MYRIP: variants seen among roughly 807,000 people sequenced by gnomAD.
MYRIP encodes rab effector MyRIP.
Under a neutral mutation model 98.0 loss-of-function variants are expected in MYRIP, and 49 were observed. The observed-to-expected ratio is 0.50, with a 90% CI of 0.40 to 0.63. MYRIP has a LOEUF of 0.63. Ranked by LOEUF, MYRIP falls within the 30% of genes least tolerant of loss-of-function variation. MYRIP has a pLI of 0.00. For missense variants in MYRIP, 1,004 were observed against 1,058.2 expected (o/e 0.95, Z 0.71); for synonymous variants, 404 against 409.5 (o/e 0.99, Z 0.16).
chr3:40,097,435 T>C (rs1437512746), intron 3 of MYRIP, among the ~76,000 whole-genome samples: 3 of 152,214 alleles, frequency 2.0e-5, no homozygotes, highest in East Asian at 1.9e-4. Context: ...AGGTACTCAG[T>C]TGAATCTTGG....
chr3:39,888,919 C>G (rs541497111), intron 1 of MYRIP, among the ~76,000 whole-genome samples: 57 of 152,180 alleles, frequency 3.7e-4, no homozygotes, highest in African/African-American at 1.4e-3. Context: ...CCAAAAAACA[C>G]ATGAAAAAAT....
At chr3:40,174,020 G>C (rs933719922) in intron 8 of MYRIP, 1 of 152,102 alleles carries the variant, frequency 6.6e-6, no homozygotes, top group African/African-American at 2.4e-5. Flanking sequence ...CATATGTTTT[G>C]AATTTCCATA....
intron 2 of MYRIP, among the ~76,000 whole-genome samples, chr3:39,966,947 A>AGAAT (rs1270878141): frequency 6.6e-6 from 1 of 152,206 alleles, no homozygotes; most frequent in Non-Finnish European, 1.5e-5. Flanking sequence ...CACAGGAGAT[A>AGAAT]GAATGCCCTT....
In MYRIP at chr3:40,044,260, C is replaced by A. The variant is rs1947619453; in HGVS notation, c.321C>A (p.Cys107Ter). 1 of 1,614,138 alleles carries A rather than the reference C, an allele frequency of 6.2e-7. No homozygotes were observed. Among genetic ancestry groups the A allele is most frequent in the East Asian group, 2.2e-5 (1 of 44,868 alleles). ...AAAAGGCCTGGGTCTGCTGCGTCTG[C>A]CAGCAAGCGAGGTGAGTGGCTGGTG... Reference protein sequence around the residue: ...KHEKAWVCCVCQQARLLRAQS... With the variant: ...KHEKAWVCCV Residue 107 changes from cysteine (C) to a stop codon, truncating the protein, a stop_gained, in exon 3 of 17, where the codon TGC becomes TGA. Transcript: ENST00000302541. LOFTEE classifies it high-confidence loss of function.
At position 40,166,828 on chromosome 3, in the gene MYRIP, G is replaced by A. The variant is rs376580940; in HGVS notation, c.551-18G>A. 1.0e-5 allele frequency: 16 copies of A among 1,533,432 alleles called. No individual in the cohort carries two copies. The highest frequency in any genetic ancestry group is 1.4e-5 in the Non-Finnish European group (15 of 1,107,510). 95.0% of individuals were successfully genotyped at this position (1,533,432 alleles called of 1,614,324 possible). On this transcript the variant is annotated intron_variant, in intron 5 of 16. Transcript: ENST00000302541. ...TCATTCCCTTTTAGAAATGCTCTTTGTTCTGTTTCCTGTCTAGGACATAGT... is the reference window on the plus strand; with the variant it reads ...TCATTCCCTTTTAGAAATGCTCTTTATTCTGTTTCCTGTCTAGGACATAGT...
intron 3 of MYRIP, among the ~76,000 whole-genome samples, chr3:40,065,929 C>T (rs565564269): frequency 3.9e-5 from 6 of 152,172 alleles, no homozygotes; most frequent in African/African-American, 7.2e-5. Flanking sequence ...CTCAGTCCAC[C>T]AACTGTTTTA....
At chr3:40,049,976 G>A (rs886081426) in intron 3 of MYRIP, among the ~76,000 whole-genome samples, 34 of 152,170 alleles carry the variant, frequency 2.2e-4, no homozygotes, top group Non-Finnish European at 1.2e-4. Flanking sequence ...GAGAGGTGAG[G>A]AAGCTGCAGT....
At chr3:39,990,997 C>T (rs536292054) in intron 2 of MYRIP, among the ~76,000 whole-genome samples, 3 of 152,070 alleles carry the variant, frequency 2.0e-5, no homozygotes, top group East Asian at 3.9e-4. Context: ...TGGGGCCTGT[C>T]GGGGAGTGTG....
chr3:39,941,119 T>G (rs13353519), intron 2 of MYRIP, among the ~76,000 whole-genome samples: 10,191 of 152,040 alleles, frequency 0.067, 614 homozygotes, highest in East Asian at 0.25. Context: ...GGGAGACAAT[T>G]GAAGGTAAAA....
At chr3:40,089,037 C>T (rs1359008280) in intron 3 of MYRIP, among the ~76,000 whole-genome samples, 1 of 151,924 alleles carries the variant, frequency 6.6e-6, no homozygotes, top group African/African-American at 2.4e-5. Context: ...AGCTTGGGCA[C>T]CTGCGTAGAT....
At chr3:39,917,958 G>T (rs1216348760) in intron 2 of MYRIP, among the ~76,000 whole-genome samples, 1 of 147,654 alleles carries the variant, frequency 6.8e-6, no homozygotes, top group Non-Finnish European at 1.5e-5. Context: ...GAGTCTCGCT[G>T]CTCTGTCGCC....
At chr3:39,959,698 G>A (rs1336106802) in intron 2 of MYRIP, among the ~76,000 whole-genome samples, 2 of 150,706 alleles carry the variant, frequency 1.3e-5, no homozygotes, top group East Asian at 3.9e-4. Flanking sequence ...CAAACTTACT[G>A]AATCTTAGTT....
intron 11 of MYRIP, among the ~76,000 whole-genome samples, chr3:40,227,848 T>C (rs1233024919): frequency 9.8e-5 from 15 of 152,328 alleles, no homozygotes; most frequent in Admixed American, 3.3e-4. Flanking sequence ...TGCCTTCTAA[T>C]TTAATCTTCT....
chr3:39,915,232 C>T (rs1390085548), intron 2 of MYRIP, among the ~76,000 whole-genome samples: 1 of 152,034 alleles, frequency 6.6e-6, no homozygotes, highest in East Asian at 1.9e-4. Flanking sequence ...CCCCAGTCAT[C>T]TGGTTAGTAA....
chr3:39,920,895 T>C (rs6772167), intron 2 of MYRIP, among the ~76,000 whole-genome samples: 56,404 of 151,970 alleles, frequency 0.37, 10,781 homozygotes, highest in East Asian at 0.46. Flanking sequence ...TATACCAGCC[T>C]CTTCACTTTT....
intron 3 of MYRIP, among the ~76,000 whole-genome samples, chr3:40,141,881 T>C (rs1204780332): frequency 1.3e-5 from 2 of 152,170 alleles, no homozygotes; most frequent in African/African-American, 4.8e-5. Context: ...GATAATACAA[T>C]GCCTCTAGCT....
At chr3:39,997,561 A>G (rs146049699) in intron 2 of MYRIP, among the ~76,000 whole-genome samples, 10,200 of 152,222 alleles carry the variant, frequency 0.067, 510 homozygotes, top group Non-Finnish European at 0.092. Flanking sequence ...CAACCAAAAA[A>G]AGTCCAGGAC....
Position 40,190,363 on chromosome 3 carries a change from G to A in MYRIP, c.1565G>A (p.Arg522Gln), listed in dbSNP as rs753608593. Residue 522 changes from arginine to glutamine, a missense_variant, in exon 10 of 17, where the codon CGG becomes CAG. Physicochemically the swap from Arg to Gln is conservative, Grantham distance 43. Transcript: ENST00000302541. ...GAGGAGGCCCCCCACACCACAGACC[G>A]GCGGGCCAGGAGGTGGAGAAGAGCC... ...EPEEAPHTTD[R>Q]RARRWRRARL... is the part of the protein sequence containing the mutation. 3.7e-5 allele frequency: 59 copies of A among 1,613,816 alleles called. No homozygotes were observed. In the East Asian group the frequency reaches 7.6e-4, roughly 21 times the overall value.
chr3:39,884,947 C>T (rs1250379295), intron 1 of MYRIP, among the ~76,000 whole-genome samples: 1 of 125,300 alleles, frequency 8.0e-6, no homozygotes, highest in Admixed American at 9.2e-5. Context: ...CTTCTCCCTC[C>T]CTATCATAAT....
Sources: allele counts gnomAD v4.1 joint callset (sites outside exome capture counted in the v4.1 genomes callset), GRCh38; gene constraint gnomAD v4.1.1; transcripts MANE v1.5; gene names NCBI Gene and HGNC (gene_info 2026-07-23, HGNC 2026-07-21).